Variants in EXOC4 observed in about 807,000 individuals in gnomAD.
EXOC4 encodes the protein exocyst complex component 4.
Under a neutral mutation model 107.2 loss-of-function variants are expected in EXOC4, and 71 were observed. The observed-to-expected ratio is 0.66, with a 90% CI of 0.55 to 0.81. The LOEUF is 0.81. EXOC4 is among the 30% of genes least tolerant of loss of function. EXOC4 has a pLI of 0.00. For missense variants in EXOC4, 1,108 were observed against 1,189.6 expected (o/e 0.93, Z 1.01); for synonymous variants, 456 against 441.2 (o/e 1.03, Z -0.42).
intron 2 of EXOC4, among the ~76,000 whole-genome samples, chr7:133,276,042 A>G (rs1215206571): frequency 6.6e-6 from 1 of 152,100 alleles, no homozygotes; most frequent in Non-Finnish European, 1.5e-5. Context: ...TGTAGTTTTC[A>G]TGTTTTGGAA....
At chr7:133,630,933 G>A (rs957588268) in intron 10 of EXOC4, among the ~76,000 whole-genome samples, 1 of 152,006 alleles carries the variant, frequency 6.6e-6, no homozygotes, top group Non-Finnish European at 1.5e-5. Flanking sequence ...GGAAAAAAGG[G>A]GCAATTGTTG....
chr7:133,410,429 A>G (rs913501629), intron 7 of EXOC4, among the ~76,000 whole-genome samples: 11 of 152,184 alleles, frequency 7.2e-5, no homozygotes, highest in African/African-American at 2.2e-4. Context: ...GTGCATTCAC[A>G]TTGTGCATGC....
At chr7:133,996,015 T>C (rs1165432846) in intron 14 of EXOC4, among the ~76,000 whole-genome samples, 3 of 152,172 alleles carry the variant, frequency 2.0e-5, no homozygotes, top group African/African-American at 7.2e-5. Context: ...GAGAAGGATG[T>C]TCATACAGAA....
At chr7:133,928,692 C>T (rs1800105691) in intron 13 of EXOC4, among the ~76,000 whole-genome samples, 1 of 151,984 alleles carries the variant, frequency 6.6e-6, no homozygotes, top group South Asian at 2.1e-4. Context: ...GTGAGTGCTA[C>T]TGCTGGAGGG....
At chr7:133,962,416 T>A (rs1325596890) in intron 14 of EXOC4, among the ~76,000 whole-genome samples, 2 of 152,198 alleles carry the variant, frequency 1.3e-5, no homozygotes, top group Non-Finnish European at 2.9e-5. Flanking sequence ...TTACTTGGGC[T>A]CATTAACATA....
intron 14 of EXOC4, among the ~76,000 whole-genome samples, chr7:133,967,101 GTTTA>G (rs1305525748): frequency 6.6e-6 from 1 of 152,148 alleles, no homozygotes; most frequent in African/African-American, 2.4e-5. Context: ...GGATTTTCTA[GTTTA>G]TTCACATAGA....
rs557382456 is a variant in EXOC4 at position 133,654,497 on chromosome 7, G to A, written c.1514+24356G>A. 3.0e-4 allele frequency among the ~76,000 whole-genome samples: 46 copies of A among 152,240 alleles called. No homozygotes were observed. The South Asian group carries it at 6.2e-3, about 21-fold the overall frequency. Reference sequence around the variant, plus strand: ...GGTACAGGTGGTGGTTGTAGAAACCGAAAAATGGATGGTTAAATGGATTAA... The same window carrying A: ...GGTACAGGTGGTGGTTGTAGAAACCAAAAAATGGATGGTTAAATGGATTAA... On this transcript the variant is annotated intron_variant, in intron 10 of 17. Coordinates refer to ENST00000253861, the MANE Select transcript of EXOC4 (RefSeq NM_021807.4).
chr7:133,790,332 A>C (rs1796676696), intron 10 of EXOC4, among the ~76,000 whole-genome samples: 1 of 152,242 alleles, frequency 6.6e-6, no homozygotes, highest in African/African-American at 2.4e-5. Flanking sequence ...CTAAAGCTTT[A>C]AGCTGCTAAT....
intron 12 of EXOC4, among the ~76,000 whole-genome samples, chr7:133,901,605 A>G (rs1799453220): frequency 6.6e-6 from 1 of 152,214 alleles, no homozygotes; most frequent in South Asian, 2.1e-4. Context: ...TATTTCAAAA[A>G]TTGTCAATCT....
rs150863770 is a variant in EXOC4 at position 133,261,208 on chromosome 7, T to C, written c.86+8021T>C. ...TGTACTAATTTTATCATCTGTGTCATTTCTGGGTTTCCATTGATTAATTTT... is the reference window on the plus strand; with the variant it reads ...TGTACTAATTTTATCATCTGTGTCACTTCTGGGTTTCCATTGATTAATTTT... On this transcript the variant is annotated intron_variant, in intron 1 of 17. Transcript: ENST00000253861. Among the ~76,000 whole-genome samples, 313 of 151,964 alleles carry C rather than the reference T, an allele frequency of 2.1e-3. 2 individuals are homozygous for C. The highest frequency in any genetic ancestry group is 7.3e-3 in the African/African-American group (300 of 41,342).
chr7:133,757,612 G>A (rs936622988), intron 10 of EXOC4, among the ~76,000 whole-genome samples: 9 of 152,326 alleles, frequency 5.9e-5, no homozygotes, highest in African/African-American at 1.4e-4. Context: ...TCCATTGTCC[G>A]TGCAAAACCC....
rs1246822440 is a variant in EXOC4 at position 133,791,813 on chromosome 7, C to T, written c.1515-25512C>T. 7.2e-5 allele frequency among the ~76,000 whole-genome samples: 11 copies of T among 152,256 alleles called. No homozygotes were observed. The South Asian group carries it at 1.7e-3, about 23-fold the overall frequency. On this transcript the variant is annotated intron_variant, in intron 10 of 17. Transcript: ENST00000253861. ...ATGTTATTGAAAATAGATCAGGTTCCTTTAGATGTTTAATAACCTTTATGA... is the reference window on the plus strand; with the variant it reads ...ATGTTATTGAAAATAGATCAGGTTCTTTTAGATGTTTAATAACCTTTATGA...
At chr7:133,431,024 C>T (rs1269775207) in intron 7 of EXOC4, among the ~76,000 whole-genome samples, 2 of 152,182 alleles carry the variant, frequency 1.3e-5, no homozygotes, top group African/African-American at 4.8e-5. Context: ...TGAATCTAAT[C>T]CAACCCGTTT....
intron 10 of EXOC4, among the ~76,000 whole-genome samples, chr7:133,729,565 G>A (rs1393895141): frequency 1.3e-5 from 2 of 152,058 alleles, no homozygotes; most frequent in African/African-American, 4.8e-5. Context: ...CAATGAAAAG[G>A]CCTCATTGTG....
At chr7:133,639,752 T>C (rs1562887134) in intron 10 of EXOC4, among the ~76,000 whole-genome samples, 1 of 152,196 alleles carries the variant, frequency 6.6e-6, no homozygotes, top group East Asian at 1.9e-4. Flanking sequence ...GTTTGATGTT[T>C]TTATGTTGTT....
intron 5 of EXOC4, among the ~76,000 whole-genome samples, chr7:133,330,805 A>G (rs1160753317): frequency 1.3e-5 from 2 of 151,924 alleles, no homozygotes; most frequent in African/African-American, 4.8e-5. Flanking sequence ...AGTCCCAGTG[A>G]GATGAACCGG....
chr7:134,068,246 C>T (rs973001851), downstream of EXOC4, among the ~76,000 whole-genome samples: 1 of 152,120 alleles, frequency 6.6e-6, no homozygotes, highest in African/African-American at 2.4e-5. Flanking sequence ...TGGCTGTGTC[C>T]CCACCCAAAT....
At chr7:134,036,869 A>C (rs1795401820) in intron 17 of EXOC4, among the ~76,000 whole-genome samples, 1 of 152,144 alleles carries the variant, frequency 6.6e-6, no homozygotes, top group African/African-American at 2.4e-5. Flanking sequence ...TAACCTTTTA[A>C]TACTTCGGTT....
At chr7:133,567,819 C>T (rs1241725660) in intron 9 of EXOC4, among the ~76,000 whole-genome samples, 1 of 152,168 alleles carries the variant, frequency 6.6e-6, no homozygotes, top group East Asian at 1.9e-4. Context: ...TCTGAGCTCA[C>T]TCCTGTGATA....
Sources: allele counts gnomAD v4.1 joint callset (sites outside exome capture counted in the v4.1 genomes callset), GRCh38; gene constraint gnomAD v4.1.1; transcripts MANE v1.5; gene names NCBI Gene and HGNC (gene_info 2026-07-23, HGNC 2026-07-21).